TNFRSF11A: variants seen among roughly 807,000 people sequenced by gnomAD.
The protein encoded by TNFRSF11A is tumor necrosis factor receptor superfamily member 11A.
In TNFRSF11A, 32 loss-of-function variants were observed where a neutral mutation model predicts 55.7. That is an observed-to-expected ratio of 0.57 (90% confidence interval 0.43 to 0.77). TNFRSF11A has a LOEUF of 0.77. TNFRSF11A is among the 30% of genes least tolerant of loss of function. The pLI, the probability that TNFRSF11A is intolerant of heterozygous loss-of-function variation, is 0.00. For synonymous variants in TNFRSF11A, 311 were observed against 331.0 expected (o/e 0.94, Z 0.65); for missense variants, 753 against 809.8 (o/e 0.93, Z 0.85).
At chr18:62,332,392 A>G (rs941683034) in intron 1 of TNFRSF11A, among the ~76,000 whole-genome samples, 2 of 152,226 alleles carry the variant, frequency 1.3e-5, no homozygotes, top group Admixed American at 1.3e-4. Context: ...TCTCAACTTC[A>G]TAGTCAGATA....
chr18:62,344,967 G>A (rs978122682), intron 1 of TNFRSF11A, among the ~76,000 whole-genome samples: 1 of 152,238 alleles, frequency 6.6e-6, no homozygotes, highest in Non-Finnish European at 1.5e-5. Flanking sequence ...CAGAGTCTGG[G>A]GATCAGGAGC....
At chr18:62,352,287 G>A (rs1216503508) in intron 3 of TNFRSF11A, among the ~76,000 whole-genome samples, 3 of 152,172 alleles carry the variant, frequency 2.0e-5, no homozygotes, top group Admixed American at 1.3e-4. Context: ...ACCTCAGTCT[G>A]GACTCTAGAG....
At position 62,325,472 on chromosome 18, in the gene TNFRSF11A, C is replaced by A; in HGVS notation, c.75+45C>A. On this transcript the variant is annotated intron_variant, in intron 1 of 9. Transcript: ENST00000586569. This position sits in a 1 kb window ranked among gnomAD's most constrained non-coding sequence, Gnocchi z 4.7. ...GCCGGGCCGCGCGGCCCGACGCCTC[C>A]TCGGGAGCCCCGGGAAGGGCCGGGG... 8.3e-7 allele frequency: 1 copy of A among 1,200,440 alleles called. No homozygotes were observed. The highest frequency in any genetic ancestry group is 1.6e-5 in the African/African-American group (1 of 61,162). 74.4% of individuals were successfully genotyped at this position (1,200,440 alleles called of 1,614,324 possible).
intron 9 of TNFRSF11A, among the ~76,000 whole-genome samples, chr18:62,376,282 T>C (rs1465441103): frequency 2.0e-5 from 3 of 148,308 alleles, no homozygotes; most frequent in African/African-American, 5.0e-5. Context: ...CTTTATCTTT[T>C]TTTTTTTTTT....
chr18:62,341,415 G>C (rs2046308320), intron 1 of TNFRSF11A, among the ~76,000 whole-genome samples: 1 of 152,242 alleles, frequency 6.6e-6, no homozygotes, highest in Non-Finnish European at 1.5e-5. Flanking sequence ...AGGATGGTTT[G>C]TGCGGGAAGA....
rs1911683369 is a variant in TNFRSF11A at position 62,385,668 on chromosome 18, C to CCT, written c.*635_*636insTC. ...CAGCTTCCTCCCCCCGACTCCCCCC[C>CCT]CAGAGACACGGTCCCACCATGTTAC... is the stretch of plus-strand genomic sequence containing the variant. On this transcript the variant is annotated 3_prime_UTR_variant, in exon 10 of 10. Coordinates refer to ENST00000586569, the MANE Select transcript of TNFRSF11A (RefSeq NM_003839.4). 6.6e-6 allele frequency: 1 copy of CCT among 151,102 alleles called. No homozygotes were observed. Among genetic ancestry groups the CCT allele is most frequent in the South Asian group, 2.1e-4 (1 of 4,774 alleles). 9.4% of individuals were successfully genotyped at this position (151,102 alleles called of 1,614,324 possible).
chr18:62,363,532 C>G (rs1909854396), intron 7 of TNFRSF11A, among the ~76,000 whole-genome samples: 1 of 151,884 alleles, frequency 6.6e-6, no homozygotes, highest in African/African-American at 2.4e-5. Context: ...CCATGCCTGG[C>G]TAATTTTTGT....
At chr18:62,384,070 C>CACACACACAAAT in intron 9 of TNFRSF11A, among the ~76,000 whole-genome samples, 1 of 152,044 alleles carries the variant, frequency 6.6e-6, no homozygotes, top group Non-Finnish European at 1.5e-5. Flanking sequence ...CACACACACA[C>CACACACACAAAT]ACACACACAA....
At chr18:62,342,678 AC>A (rs1442165278) in intron 1 of TNFRSF11A, among the ~76,000 whole-genome samples, 3 of 152,190 alleles carry the variant, frequency 2.0e-5, no homozygotes, top group Non-Finnish European at 4.4e-5. Context: ...GAAGGGGCAG[AC>A]CAGGAATGAT....
rs1185962724 is a variant in TNFRSF11A at position 62,368,715 on chromosome 18, C to T, written c.798C>T (p.Asp266=). 4 of 1,614,108 alleles carry T rather than the reference C, an allele frequency of 2.5e-6. No individual in the cohort carries two copies. In the African/African-American group the frequency reaches 5.3e-5, roughly 22 times the overall value. ...TAAATCGGCAGGAGTCCTCAGGTGA[C>T]AGTTGTGTCAGTACACACACGGCAA... is the stretch of plus-strand genomic sequence containing the variant. ...RLSGDKESSG[D]SCVSTHTANF... The change falls in exon 9 of 10, where the codon GAC becomes GAT. Residue 266 remains aspartate, a synonymous_variant. Coordinates refer to ENST00000586569, the MANE Select transcript of TNFRSF11A (RefSeq NM_003839.4).
intron 4 of TNFRSF11A, among the ~76,000 whole-genome samples, chr18:62,355,575 C>A (rs1909198384): frequency 6.6e-6 from 1 of 152,194 alleles, no homozygotes; most frequent in African/African-American, 2.4e-5. Context: ...AGCCACCACA[C>A]CTAGTCAAAA....
intron 1 of TNFRSF11A, among the ~76,000 whole-genome samples, chr18:62,341,210 C>T (rs2046305990): frequency 6.6e-6 from 1 of 152,224 alleles, no homozygotes; most frequent in Non-Finnish European, 1.5e-5. Flanking sequence ...AACCCCCAGA[C>T]AGAAAAGCAC....
At chr18:62,372,489 T>A (rs199750434) in intron 9 of TNFRSF11A, among the ~76,000 whole-genome samples, 46 of 151,634 alleles carry the variant, frequency 3.0e-4, no homozygotes, top group South Asian at 8.3e-4. Flanking sequence ...TTTTTTTTTT[T>A]ATCTTTTAAA....
At chr18:62,364,065 G>A (rs1226524109) in intron 7 of TNFRSF11A, among the ~76,000 whole-genome samples, 1 of 152,206 alleles carries the variant, frequency 6.6e-6, no homozygotes, top group African/African-American at 2.4e-5. Flanking sequence ...ACAGAGGGAA[G>A]CTGAGTATGC....
At chr18:62,355,377 A>G (rs1459226663) in intron 4 of TNFRSF11A, among the ~76,000 whole-genome samples, 3 of 152,132 alleles carry the variant, frequency 2.0e-5, no homozygotes, top group Non-Finnish European at 4.4e-5. Context: ...TCCCAGGTTC[A>G]AGCGATTCTC....
At chr18:62,382,146 A>C (rs1295791569) in intron 9 of TNFRSF11A, among the ~76,000 whole-genome samples, 1 of 110,000 alleles carries the variant, frequency 9.1e-6, no homozygotes, top group South Asian at 3.3e-4. Flanking sequence ...AGAGTCTTGC[A>C]CTCCACCCAG....
intron 9 of TNFRSF11A, among the ~76,000 whole-genome samples, chr18:62,373,320 A>G (rs1600413644): frequency 1.3e-5 from 2 of 152,152 alleles, no homozygotes; most frequent in African/African-American, 4.8e-5. Context: ...TTAGCTGGGC[A>G]TGGTGGCATG....
At chr18:62,353,712 CGT>C (rs35838037) in intron 3 of TNFRSF11A, among the ~76,000 whole-genome samples, 12 of 151,036 alleles carry the variant, frequency 7.9e-5, no homozygotes, top group South Asian at 2.1e-4. Context: ...ATAACAGATA[CGT>C]GTGTGTGTGT....
intron 9 of TNFRSF11A, among the ~76,000 whole-genome samples, chr18:62,377,080 A>AT (rs567231740): frequency 2.9e-4 from 44 of 152,022 alleles, no homozygotes; most frequent in African/African-American, 8.4e-4. Context: ...TGCCCAGCAA[A>AT]TTTTTTGTAT....
Sources: gnomAD v4.1 joint callset for allele counts (sites outside exome capture counted in the v4.1 genomes callset) on GRCh38, gnomAD v4.1.1 for gene constraint, Gnocchi (gnomAD v3.1) non-coding constraint, MANE v1.5 for transcripts, NCBI Gene and HGNC (gene_info 2026-07-23, HGNC 2026-07-21) for gene names.